Variants in ARHGAP20 observed in about 807,000 individuals in gnomAD.
The protein encoded by ARHGAP20 is Rho GTPase activating protein 20, also known as rho GTPase-activating protein 20.
ARHGAP20 carries 34 observed loss-of-function variants against 73.7 expected under a neutral mutation model. That is an observed-to-expected ratio of 0.46 (90% confidence interval 0.35 to 0.61). The LOEUF (loss-of-function observed/expected upper bound fraction) is 0.61. Among genes scored for constraint, ARHGAP20 ranks in the 20% least tolerant of loss-of-function variants. The probability of loss-of-function intolerance (pLI) is 0.00; values close to 1 mark genes in which losing one functional copy is unlikely to be tolerated. For missense variants in ARHGAP20, 1,314 were observed against 1,420.9 expected, an observed-to-expected ratio of 0.92 and a Z score of 1.21; for synonymous variants, 523 against 518.2, an observed-to-expected ratio of 1.01 and a Z score of -0.13.
intron 1 of ARHGAP20, among the ~76,000 whole-genome samples, chr11:110,708,567 G>A (rs117452935): frequency 0.014 from 2,156 of 152,170 alleles, 29 homozygotes; most frequent in Non-Finnish European, 0.023. Context: ...ATGAACTATC[G>A]ATACACGCAA....
chr11:110,618,704 GAT>G (rs767710371), intron 4 of ARHGAP20, among the ~76,000 whole-genome samples: 1 of 150,970 alleles, frequency 6.6e-6, no homozygotes, highest in South Asian at 2.1e-4. Flanking sequence ...TATATGCAGT[GAT>G]AGAGTATATG....
intron 9 of ARHGAP20, among the ~76,000 whole-genome samples, chr11:110,593,826 C>G (rs1320727611): frequency 6.6e-6 from 1 of 152,244 alleles, no homozygotes; most frequent in Non-Finnish European, 1.5e-5. Flanking sequence ...GTTGACAGAA[C>G]TGAGATTTGA....
chr11:110,630,830 C>G, intron 2 of ARHGAP20, 38 bp from the exon 3 acceptor site: 1 of 1,597,740 alleles, frequency 6.3e-7, no homozygotes. Flanking sequence ...GTCAAACGAT[C>G]ATCTTATAGT....
Position 110,591,891 on chromosome 11 carries a change from T to C in ARHGAP20, c.1143+86A>G, listed in dbSNP as rs527288608. On this transcript the variant is annotated intron_variant, in intron 10 of 14. Coordinates refer to ENST00000683387, the MANE Select transcript of ARHGAP20 (RefSeq NM_001384657.1). ...CCAAAGACAGTGGTGTCTATAATTT[T>C]TCCATTTGGGGACAGATTTACCTCG... The C allele has an allele frequency of 4.0e-4, 552 of 1,394,858 alleles. 6 individuals carry two copies. The South Asian group carries it at 7.4e-3, about 19-fold the overall frequency. The allele number at this position is 1,394,858 out of a possible 1,614,324, so 86.4% of individuals were successfully genotyped here.
chr11:110,698,704 T>C (rs555279025), intron 1 of ARHGAP20, among the ~76,000 whole-genome samples: 42 of 152,074 alleles, frequency 2.8e-4, no homozygotes, highest in African/African-American at 1.0e-3. Context: ...TTTATACGCA[T>C]AGAGGTGTTC....
intron 1 of ARHGAP20, among the ~76,000 whole-genome samples, chr11:110,711,217 G>T (rs1832731286): frequency 1.3e-5 from 2 of 152,112 alleles, no homozygotes; most frequent in South Asian, 4.1e-4. Context: ...CAGCACAGCG[G>T]CCGTGTTTAT....
chr11:110,612,916 C>T lies in ARHGAP20; in HGVS notation c.631-1530G>A, dbSNP rs188733257. Among the ~76,000 whole-genome samples the T allele has an allele frequency of 3.3e-5, 5 of 152,262 alleles. No individual in the cohort carries two copies. The East Asian group carries it at 9.6e-4, about 29-fold the overall frequency. The stretch of plus-strand genomic sequence containing the variant: ...TTGGAGCACTCAACCCAGTGTCTGT[C>T]TTCTACCAGAGTGTCATAGGTATGA... On this transcript the variant is annotated intron_variant, in intron 6 of 14. Coordinates refer to ENST00000683387, the MANE Select transcript of ARHGAP20 (RefSeq NM_001384657.1).
chr11:110,604,422 T>C lies in ARHGAP20; in HGVS notation c.964+2139A>G, dbSNP rs528645945. ...TAAGCAGAGGATGCCTACAATTTAG[T>C]TGAGCAAGTCATTAGCAAAACTGGT... On this transcript the variant is annotated intron_variant, in intron 9 of 14. Coordinates refer to ENST00000683387, the MANE Select transcript of ARHGAP20 (RefSeq NM_001384657.1). Among the ~76,000 whole-genome samples, 4 of 152,296 alleles carry C rather than the reference T, an allele frequency of 2.6e-5. No individual in the cohort carries two copies. The East Asian group carries it at 5.8e-4, about 22-fold the overall frequency.
At chr11:110,663,702 A>C (rs1949663721) in intron 2 of ARHGAP20, among the ~76,000 whole-genome samples, 1 of 152,044 alleles carries the variant, frequency 6.6e-6, no homozygotes, top group Non-Finnish European at 1.5e-5. Flanking sequence ...TTCTATACAA[A>C]CTCTTCCAGA....
At chr11:110,607,404 G>A (rs902070059) in intron 8 of ARHGAP20, among the ~76,000 whole-genome samples, 2 of 152,124 alleles carry the variant, frequency 1.3e-5, no homozygotes, top group Non-Finnish European at 2.9e-5. Flanking sequence ...ATGCAAAAAC[G>A]AATATACAGA....
At chr11:110,632,553 C>CCT (rs1245458862) in intron 2 of ARHGAP20, among the ~76,000 whole-genome samples, 6 of 152,056 alleles carry the variant, frequency 3.9e-5, no homozygotes, top group African/African-American at 1.4e-4. Flanking sequence ...TACAGGCATG[C>CCT]ACCACCACGC....
At position 110,674,110 on chromosome 11, in the gene ARHGAP20, T is replaced by C. The variant is rs566850397; in HGVS notation, c.188+16437A>G. On this transcript the variant is annotated intron_variant, in intron 2 of 14. Transcript: ENST00000683387. ...TGTGTCACCACACCCAGCTAACTTG[T>C]ATTTTAGCAGTGATGGGGTTTCACC... is the stretch of plus-strand genomic sequence containing the variant. 2.0e-5 allele frequency among the ~76,000 whole-genome samples: 3 copies of C among 152,230 alleles called. No individual in the cohort carries two copies. In the East Asian group the frequency reaches 5.8e-4, roughly 29 times the overall value.
At position 110,624,047 on chromosome 11, in the gene ARHGAP20, A is replaced by G; in HGVS notation, c.503+115T>C. The G allele has an allele frequency of 1.5e-6, 2 of 1,357,848 alleles. 1 individual carries two copies. Among genetic ancestry groups the G allele is most frequent in the South Asian group, 2.8e-5 (2 of 71,772 alleles). The allele number at this position is 1,357,848 out of a possible 1,614,324, so 84.1% of individuals were successfully genotyped here. A position where few individuals can be genotyped will look rare whatever the true frequency, so the allele number is the denominator to read the frequency against. On this transcript the variant is annotated intron_variant, in intron 4 of 14. Transcript: ENST00000683387. ...TGATTTAATATGGAATCAGAATAAA[A>G]TATTTCCCTCTTAAAAATTAGAGGA...
intron 2 of ARHGAP20, among the ~76,000 whole-genome samples, chr11:110,648,222 T>TAC (rs1555094934): frequency 4.0e-4 from 11 of 27,724 alleles, no homozygotes; most frequent in African/African-American, 2.3e-3. Flanking sequence ...TATATATATG[T>TAC]ATATATATAT....
At chr11:110,702,854 A>T (rs1950481631) in intron 1 of ARHGAP20, among the ~76,000 whole-genome samples, 1 of 152,182 alleles carries the variant, frequency 6.6e-6, no homozygotes, top group Non-Finnish European at 1.5e-5. Context: ...TTCAAGGAGA[A>T]CTATAAACCA....
intron 11 of ARHGAP20, among the ~76,000 whole-genome samples, chr11:110,588,933 G>A (rs997564396): frequency 5.3e-5 from 8 of 152,038 alleles, no homozygotes; most frequent in East Asian, 1.9e-4. Context: ...TTTGCCAGGC[G>A]TGGTGTCGGG....
At chr11:110,592,246 GGCTC>G in intron 9 of ARHGAP20, 91 bp from the exon 10 acceptor site, 1 of 1,223,220 alleles carries the variant, frequency 8.2e-7, no homozygotes, top group South Asian at 1.9e-5. Context: ...TTGTTGCTAT[GGCTC>G]AAAGAGAAAA....
At position 110,578,166 on chromosome 11, in the gene ARHGAP20, G is replaced by A; in HGVS notation, c.*1204C>T. The stretch of plus-strand genomic sequence containing the variant: ...GAAAGCAGAGAAAGAAAGGTCCATG[G>A]ATATAAAATAAACCAATGGGGTATA... On this transcript the variant is annotated 3_prime_UTR_variant, in exon 15 of 15. Transcript: ENST00000683387. The A allele has an allele frequency of 1.0e-6, 1 of 985,382 alleles. No individual in the cohort carries two copies. Among genetic ancestry groups the A allele is most frequent in the Non-Finnish European group, 1.2e-6 (1 of 829,932 alleles). 61.0% of individuals were successfully genotyped at this position (985,382 alleles called of 1,614,324 possible).
intron 12 of ARHGAP20, among the ~76,000 whole-genome samples, chr11:110,584,867 AAATG>A (rs1265849995): frequency 1.3e-5 from 2 of 151,098 alleles, no homozygotes; most frequent in Non-Finnish European, 1.5e-5. Context: ...GTGAATATAT[AAATG>A]AATATATATG....
Sources: allele counts gnomAD v4.1 joint callset (sites outside exome capture counted in the v4.1 genomes callset), GRCh38; gene constraint gnomAD v4.1.1; transcripts MANE v1.5; gene names NCBI Gene and HGNC (gene_info 2026-07-23, HGNC 2026-07-21).